SH2D3C: variants seen among roughly 807,000 people sequenced by gnomAD.
The protein encoded by SH2D3C is SH2 domain-containing protein 3C.
In SH2D3C, 25 loss-of-function variants were observed where a neutral mutation model predicts 75.2. The observed-to-expected ratio is 0.33, with a 90% CI of 0.24 to 0.46. The LOEUF is 0.46. Ranked by LOEUF, SH2D3C falls within the 20% of genes least tolerant of loss-of-function variation. The pLI is 1.00. For synonymous variants in SH2D3C, 450 were observed against 473.7 expected (o/e 0.95, Z 0.65); for missense variants, 933 against 1,165.3 (o/e 0.80, Z 2.90).
chr9:127,755,183 G>C (rs1292584810), intron 3 of SH2D3C: 12 of 1,209,980 alleles, frequency 9.9e-6, no homozygotes, highest in Admixed American at 4.4e-5. Flanking sequence ...TGCCGGGGCC[G>C]GGACGGTGTG....
chr9:127,751,345 T>G lies in SH2D3C; in HGVS notation c.556-45A>C. ...AGTTGGCATCCAACTTAAAGTCTCC[T>G]TCTTCTTTCCCTCCCAACTTCATTC... On this transcript the variant is annotated intron_variant, in intron 3 of 11. Coordinates refer to ENST00000314830, the MANE Select transcript of SH2D3C (RefSeq NM_170600.3). This position sits in a 1 kb window ranked among gnomAD's most constrained non-coding sequence, Gnocchi z 4.1. The G allele has an allele frequency of 6.3e-7, 1 of 1,598,710 alleles. No individual in the cohort carries two copies. Among genetic ancestry groups the G allele is most frequent in the East Asian group, 2.2e-5 (1 of 44,824 alleles).
rs1844976089 is a variant in SH2D3C, at chr9:127,744,876, G to A, written c.1488C>T (p.Cys496=). ...SYSDPDSGHY[C]QLQPPVRGSR... ...TGCCACGCACGGGAGGCTGGAGCTG[G>A]CAGTAGTGGCCAGAGTCCGGGTCAC... Residue 496 remains cysteine, a synonymous_variant, in exon 7 of 12, where the codon TGC becomes TGT. Coordinates refer to ENST00000314830, the MANE Select transcript of SH2D3C (RefSeq NM_170600.3). 2 of 1,613,738 alleles carry A rather than the reference G, an allele frequency of 1.2e-6. No homozygotes were observed. Among genetic ancestry groups the A allele is most frequent in the African/African-American group, 2.7e-5 (2 of 74,898 alleles).
At chr9:127,740,930 C>T (rs2131732685) in intron 9 of SH2D3C, among the ~76,000 whole-genome samples, 1 of 152,350 alleles carries the variant, frequency 6.6e-6, no homozygotes, top group South Asian at 2.1e-4. Context: ...CTCCACCCAC[C>T]TTGGCCTCCC....
chr9:127,753,509 G>A (rs1326750180), intron 3 of SH2D3C, among the ~76,000 whole-genome samples: 1 of 152,174 alleles, frequency 6.6e-6, no homozygotes, highest in Non-Finnish European at 1.5e-5. Flanking sequence ...GGGCCTGGGA[G>A]TGGGAATTCT....
rs567720629 is a variant in SH2D3C, at chr9:127,752,372, G to C, written c.556-1072C>G. ...AGCACATGGACATCCTCATCACTGC[G>C]AGGACATGGGATGGTTCTTCCTCTC... On this transcript the variant is annotated intron_variant, in intron 3 of 11. Coordinates refer to ENST00000314830, the MANE Select transcript of SH2D3C (RefSeq NM_170600.3). Among the ~76,000 whole-genome samples the C allele has an allele frequency of 5.3e-5, 8 of 152,250 alleles. No homozygotes were observed. The East Asian group carries it at 1.5e-3, about 29-fold the overall frequency.
intron 2 of SH2D3C, chr9:127,762,251 G>A: frequency 3.3e-6 from 4 of 1,230,322 alleles, no homozygotes; most frequent in Non-Finnish European, 4.2e-6. Context: ...AGAGGCCAGA[G>A]GCCAGAGACG....
Position 127,744,769 on chromosome 9 carries a change from C to T in SH2D3C, c.1595G>A (p.Gly532Glu). The T allele has an allele frequency of 6.2e-7, 1 of 1,614,216 alleles. No homozygotes were observed. Residue 532 changes from glycine (G) to glutamate (E), a missense_variant, in exon 7 of 12, where the codon GGG becomes GAG. Coordinates refer to ENST00000314830, the MANE Select transcript of SH2D3C (RefSeq NM_170600.3). ...GERLKELSEN[G>E]APEGDWGKTF... is the part of the protein sequence containing the mutation. Reference sequence around the variant, plus strand: ...CTTGCCCCAGTCCCCTTCAGGGGCCCCATTTTCTGACAGTTCCTTTAGCCT... The same window carrying T: ...CTTGCCCCAGTCCCCTTCAGGGGCCTCATTTTCTGACAGTTCCTTTAGCCT...
chr9:127,765,153 T>C (rs1845609721), intron 2 of SH2D3C, among the ~76,000 whole-genome samples: 1 of 152,068 alleles, frequency 6.6e-6, no homozygotes, highest in Non-Finnish European at 1.5e-5. Context: ...GGATTACAGG[T>C]GTGAGCGACC....
chr9:127,747,940 G>A (rs1845083130), intron 5 of SH2D3C, among the ~76,000 whole-genome samples: 1 of 152,132 alleles, frequency 6.6e-6, no homozygotes, highest in South Asian at 2.1e-4. Flanking sequence ...TGAGGATGAG[G>A]CTTGGGGGCA....
chr9:127,755,455 G>C (rs895243990), intron 3 of SH2D3C, among the ~76,000 whole-genome samples: 1 of 152,204 alleles, frequency 6.6e-6, no homozygotes, highest in Non-Finnish European at 1.5e-5. Context: ...GGCGCGGAGC[G>C]GAGGACCTGC....
chr9:127,757,299 T>G (rs909547315), intron 3 of SH2D3C, among the ~76,000 whole-genome samples: 1 of 147,496 alleles, frequency 6.8e-6, no homozygotes, highest in Non-Finnish European at 1.5e-5. Flanking sequence ...AGAGGCAGGG[T>G]ATCCCTCTGT....
chr9:127,750,175 T>C (rs1845159128), intron 4 of SH2D3C, among the ~76,000 whole-genome samples: 1 of 150,930 alleles, frequency 6.6e-6, no homozygotes, highest in African/African-American at 2.4e-5. Context: ...TTATTATTAT[T>C]ATTATTAAGA....
rs886649113 is a variant in SH2D3C, at chr9:127,749,041, C to T, written c.1139+170G>A. Reference sequence around the variant, plus strand: ...ACCTGGGTCTGACTCCCTGCAAGCCCTGTGTTCTGTACATCCACAGAGTAT... The same window carrying T: ...ACCTGGGTCTGACTCCCTGCAAGCCTTGTGTTCTGTACATCCACAGAGTAT... On this transcript the variant is annotated intron_variant, in intron 5 of 11. Coordinates refer to ENST00000314830, the MANE Select transcript of SH2D3C (RefSeq NM_170600.3). This position sits in a 1 kb window ranked among gnomAD's most constrained non-coding sequence, Gnocchi z 5.9. Among the ~76,000 whole-genome samples the T allele has an allele frequency of 2.7e-4, 41 of 152,206 alleles. No individual in the cohort carries two copies. The highest frequency in any genetic ancestry group is 9.9e-4 in the African/African-American group (41 of 41,454).
chr9:127,745,213 G>T (rs1161660158), intron 6 of SH2D3C, 114 bp from the exon 7 acceptor site: 5 of 835,458 alleles, frequency 6.0e-6, no homozygotes, highest in Non-Finnish European at 8.4e-6. Flanking sequence ...GTACAGAGGT[G>T]ATGTCCCCAC....
intron 3 of SH2D3C, among the ~76,000 whole-genome samples, chr9:127,756,372 T>C (rs1050956774): frequency 6.6e-6 from 1 of 152,210 alleles, no homozygotes; most frequent in African/African-American, 2.4e-5. Context: ...AAGGGAGCCA[T>C]TGCTGATTCC....
intron 2 of SH2D3C, among the ~76,000 whole-genome samples, chr9:127,772,172 A>G (rs1398974607): frequency 6.6e-6 from 1 of 151,316 alleles, no homozygotes; most frequent in Non-Finnish European, 1.5e-5. Context: ...CAAGAAAGTT[A>G]CCAGAAAAAA....
chr9:127,745,705 C>G (rs1037583133), intron 6 of SH2D3C, among the ~76,000 whole-genome samples: 10 of 152,032 alleles, frequency 6.6e-5, no homozygotes, highest in Admixed American at 1.3e-4. Context: ...TCTCAGCTCA[C>G]TGCAACCCCC....
chr9:127,747,493 G>T (rs554558461), intron 5 of SH2D3C, among the ~76,000 whole-genome samples: 4 of 152,012 alleles, frequency 2.6e-5, no homozygotes, highest in African/African-American at 9.7e-5. Flanking sequence ...TGGCTAGAAC[G>T]CCTGGTTTCT....
intron 8 of SH2D3C, 34 bp downstream of exon 8, chr9:127,742,815 C>T: frequency 6.5e-7 from 1 of 1,539,264 alleles, no homozygotes; most frequent in Non-Finnish European, 8.9e-7. Context: ...GCCGGGGGTT[C>T]CCCGCGAGTC....
Sources: gnomAD v4.1 joint callset for allele counts (sites outside exome capture counted in the v4.1 genomes callset) on GRCh38, gnomAD v4.1.1 for gene constraint, Gnocchi (gnomAD v3.1) non-coding constraint, MANE v1.5 for transcripts, NCBI Gene and HGNC (gene_info 2026-07-23, HGNC 2026-07-21) for gene names.